ARHGAP42: variants seen among roughly 807,000 people sequenced by gnomAD.
ARHGAP42 encodes Rho GTPase activating protein 42.
Under a neutral mutation model 125.0 loss-of-function variants are expected in ARHGAP42, and 63 were observed. The observed-to-expected ratio is 0.50, with a 90% CI of 0.41 to 0.62. ARHGAP42 has a LOEUF of 0.62. Among genes scored for constraint, ARHGAP42 ranks in the 20% least tolerant of loss-of-function variants. The pLI, the probability that ARHGAP42 is intolerant of heterozygous loss-of-function variation, is 0.00. For missense variants in ARHGAP42, 766 were observed against 1,024.2 expected (o/e 0.75, Z 3.44); for synonymous variants, 339 against 351.0 (o/e 0.97, Z 0.38).
At chr11:100,737,384 T>A (rs1433060402) in intron 1 of ARHGAP42, among the ~76,000 whole-genome samples, 2 of 152,222 alleles carry the variant, frequency 1.3e-5, no homozygotes, top group Non-Finnish European at 2.9e-5. Flanking sequence ...GGAGGTAGAA[T>A]GAGACAATGC....
intron 1 of ARHGAP42, among the ~76,000 whole-genome samples, chr11:100,748,829 C>T (rs1252826571): frequency 1.3e-5 from 2 of 152,202 alleles, no homozygotes; most frequent in Non-Finnish European, 2.9e-5. Context: ...TACAGGGTCA[C>T]GGAGAAGACC....
At chr11:100,852,848 C>G (rs141641891) in intron 3 of ARHGAP42, among the ~76,000 whole-genome samples, 211 of 152,274 alleles carry the variant, frequency 1.4e-3, no homozygotes, top group Non-Finnish European at 2.5e-3. Flanking sequence ...CAAAGTTCAG[C>G]AGACCCTGGT....
chr11:100,903,117 GCACACACACACACA>G (rs1555021069), intron 4 of ARHGAP42, among the ~76,000 whole-genome samples: 2 of 131,940 alleles, frequency 1.5e-5, no homozygotes, highest in Non-Finnish European at 3.2e-5. Context: ...TCCAAGATGC[GCACACACACACACA>G]CACACACACA....
chr11:100,896,416 A>G (rs1180938519), intron 4 of ARHGAP42, among the ~76,000 whole-genome samples: 2 of 152,236 alleles, frequency 1.3e-5, no homozygotes, highest in Non-Finnish European at 2.9e-5. Flanking sequence ...AGGAATCGTC[A>G]CACTGTCTTC....
At chr11:100,761,523 T>A (rs566030950) in intron 1 of ARHGAP42, among the ~76,000 whole-genome samples, 2 of 152,356 alleles carry the variant, frequency 1.3e-5, no homozygotes, top group East Asian at 1.9e-4. Context: ...TCATTTTTAA[T>A]TTTTATGGAA....
chr11:100,780,954 C>T (rs905329079), intron 2 of ARHGAP42, among the ~76,000 whole-genome samples: 1 of 152,062 alleles, frequency 6.6e-6, no homozygotes, highest in African/African-American at 2.4e-5. Flanking sequence ...AAGTGATGGC[C>T]CTTGTGGGTG....
intron 4 of ARHGAP42, among the ~76,000 whole-genome samples, chr11:100,862,024 G>A (rs1423157297): frequency 2.0e-5 from 3 of 152,154 alleles, no homozygotes; most frequent in Non-Finnish European, 4.4e-5. Flanking sequence ...ACAAAAGAAA[G>A]AAGAAATGAC....
At chr11:100,750,625 A>C (rs961517908) in intron 1 of ARHGAP42, among the ~76,000 whole-genome samples, 50 of 151,768 alleles carry the variant, frequency 3.3e-4, no homozygotes, top group African/African-American at 1.2e-3. Flanking sequence ...CGATTGGCTA[A>C]TTTAAAGAGA....
Position 100,976,072 on chromosome 11 carries a change from G to T in ARHGAP42, c.1871G>T (p.Ser624Ile), listed in dbSNP as rs1858381623. 6.5e-7 allele frequency: 1 copy of T among 1,529,578 alleles called. No homozygotes were observed. Among genetic ancestry groups the T allele is most frequent in the Non-Finnish European group, 8.8e-7 (1 of 1,136,458 alleles). The allele number at this position is 1,529,578 out of a possible 1,614,324, so 94.8% of individuals were successfully genotyped here. The change falls in exon 20 of 24, where the codon AGC (serine) becomes ATC (isoleucine). Residue 624 changes from serine to isoleucine, a missense_variant. This residue lies in a region of ARHGAP42 where 308 missense variants were observed against 369.7 expected (regional missense o/e 0.83). Coordinates refer to ENST00000298815, the MANE Select transcript of ARHGAP42 (RefSeq NM_152432.4). The part of the protein sequence containing the change: ...LAEPDSDSYS[S>I]SPDSTPMGSI... ...TACTCCTTAGGTGACTCCTATAGCA[G>T]CAGCCCAGACAGCACACCTATGGGG... is the stretch of plus-strand genomic sequence containing the variant.
intron 1 of ARHGAP42, among the ~76,000 whole-genome samples, chr11:100,763,681 G>A (rs551538159): frequency 4.6e-5 from 7 of 152,024 alleles, no homozygotes; most frequent in African/African-American, 1.7e-4. Flanking sequence ...GTAGAGATGG[G>A]GTTTCCCCAT....
intron 1 of ARHGAP42, among the ~76,000 whole-genome samples, chr11:100,721,374 T>C (rs1027850376): frequency 1.3e-5 from 2 of 152,186 alleles, no homozygotes; most frequent in African/African-American, 4.8e-5. Flanking sequence ...AATCATGCAA[T>C]GTATAGCCCT....
chr11:100,753,208 G>C (rs1039261513), intron 1 of ARHGAP42, among the ~76,000 whole-genome samples: 1 of 152,150 alleles, frequency 6.6e-6, no homozygotes, highest in African/African-American at 2.4e-5. Context: ...TTCCAGGAAG[G>C]AGTGTAGCTT....
chr11:100,973,470 T>C, intron 18 of ARHGAP42, 136 bp downstream of exon 18: 2 of 891,550 alleles, frequency 2.2e-6, no homozygotes, highest in Non-Finnish European at 3.4e-6. Flanking sequence ...TTCCTTGTTG[T>C]TTTTAAGTGC....
chr11:100,878,804 T>G, intron 4 of ARHGAP42, among the ~76,000 whole-genome samples: 1 of 152,192 alleles, frequency 6.6e-6, no homozygotes, highest in African/African-American at 2.4e-5. Context: ...ATTACAACAC[T>G]GCTTCCTGGC....
At chr11:100,779,806 A>T (rs568304556) in intron 2 of ARHGAP42, among the ~76,000 whole-genome samples, 5 of 151,762 alleles carry the variant, frequency 3.3e-5, no homozygotes, top group Admixed American at 2.6e-4. Context: ...CAGGTGTATT[A>T]CCTGAAGTCA....
At chr11:100,764,602 A>G (rs939779788) in intron 1 of ARHGAP42, among the ~76,000 whole-genome samples, 7 of 152,238 alleles carry the variant, frequency 4.6e-5, no homozygotes, top group African/African-American at 1.7e-4. Context: ...CATTGTTGTC[A>G]TCATCATTAT....
chr11:100,895,166 T>C (rs1309807260), intron 4 of ARHGAP42, among the ~76,000 whole-genome samples: 1 of 152,168 alleles, frequency 6.6e-6, no homozygotes, highest in Non-Finnish European at 1.5e-5. Context: ...TAACCAGTGG[T>C]AAAACGGAGA....
At chr11:100,822,504 A>G (rs1443809506) in intron 3 of ARHGAP42, among the ~76,000 whole-genome samples, 1 of 152,134 alleles carries the variant, frequency 6.6e-6, no homozygotes, top group African/African-American at 2.4e-5. Context: ...TGTAGAAAAT[A>G]TTGGTAAATT....
intron 3 of ARHGAP42, among the ~76,000 whole-genome samples, chr11:100,808,863 C>G (rs1256964162): frequency 2.0e-5 from 3 of 152,102 alleles, no homozygotes; most frequent in Non-Finnish European, 2.9e-5. Context: ...TAAATGTTCC[C>G]TTTTTCCTGG....
Sources: gnomAD v4.1 joint callset for allele counts (sites outside exome capture counted in the v4.1 genomes callset) on GRCh38, gnomAD v4.1.1 for gene constraint, gnomAD v4.1.1 regional missense constraint, MANE v1.5 for transcripts, NCBI Gene and HGNC (gene_info 2026-07-23, HGNC 2026-07-21) for gene names.